Variants in KIF6 observed in about 807,000 individuals in gnomAD.
KIF6 encodes kinesin family member 6.
KIF6 carries 106 observed loss-of-function variants against 112.7 expected under a neutral mutation model. That is an observed-to-expected ratio of 0.94 (90% CI 0.80 to 1.11). The LOEUF is 1.11. Among genes scored for constraint, KIF6 ranks in the 50% least tolerant of loss-of-function variants. KIF6 has a pLI of 0.00. For missense variants in KIF6, 929 were observed against 964.0 expected (o/e 0.96, Z 0.48); for synonymous variants, 339 against 339.9 (o/e 1.00, Z 0.03).
chr6:39,604,258 C>T (rs894729267), intron 6 of KIF6, among the ~76,000 whole-genome samples: 1 of 152,150 alleles, frequency 6.6e-6, no homozygotes, highest in South Asian at 2.1e-4. Flanking sequence ...TGAAGAATTA[C>T]CGAATCTGTT....
intron 16 of KIF6, among the ~76,000 whole-genome samples, chr6:39,369,747 A>G (rs111329006): frequency 0.013 from 1,918 of 152,262 alleles, 55 homozygotes; most frequent in African/African-American, 0.044. Flanking sequence ...GCCATACACC[A>G]TACACAGGGA....
At chr6:39,509,128 T>G (rs1776618119) in intron 13 of KIF6, among the ~76,000 whole-genome samples, 1 of 152,040 alleles carries the variant, frequency 6.6e-6, no homozygotes, top group African/African-American at 2.4e-5. Flanking sequence ...CAACAGACCT[T>G]CAGCTGAGGG....
chr6:39,605,728 C>A (rs947093551), intron 6 of KIF6, among the ~76,000 whole-genome samples: 1 of 152,124 alleles, frequency 6.6e-6, no homozygotes, highest in Non-Finnish European at 1.5e-5. Flanking sequence ...AGAAAGAACT[C>A]TAGAAGCACA....
intron 13 of KIF6, among the ~76,000 whole-genome samples, chr6:39,457,252 A>G: frequency 6.6e-6 from 1 of 151,314 alleles, no homozygotes; most frequent in Non-Finnish European, 1.5e-5. Flanking sequence ...AAACTGAACA[A>G]CCTGCTCCTG....
chr6:39,568,982 T>G (rs185361558), intron 10 of KIF6, among the ~76,000 whole-genome samples: 2 of 152,118 alleles, frequency 1.3e-5, no homozygotes, highest in Non-Finnish European at 2.9e-5. Flanking sequence ...CTCTCCACTC[T>G]CTCTCTCTCC....
At chr6:39,520,016 C>T (rs1777299788) in intron 13 of KIF6, among the ~76,000 whole-genome samples, 1 of 152,094 alleles carries the variant, frequency 6.6e-6, no homozygotes, top group Non-Finnish European at 1.5e-5. Context: ...AGTGAAACTC[C>T]ATCTCGAACA....
chr6:39,371,285 G>A (rs1562143461), intron 16 of KIF6, among the ~76,000 whole-genome samples: 1 of 152,036 alleles, frequency 6.6e-6, no homozygotes, highest in Non-Finnish European at 1.5e-5. Context: ...GAAACCTGGA[G>A]GCGGGCAACC....
intron 16 of KIF6, among the ~76,000 whole-genome samples, chr6:39,365,815 T>A (rs1278001844): frequency 6.6e-6 from 1 of 152,200 alleles, no homozygotes; most frequent in Admixed American, 6.5e-5. Context: ...CGTGAGAGAC[T>A]GCTGGAGGCG....
chr6:39,684,848 A>G (rs1056242797), intron 3 of KIF6, among the ~76,000 whole-genome samples: 6 of 152,128 alleles, frequency 3.9e-5, no homozygotes, highest in Non-Finnish European at 8.8e-5. Context: ...AGGAGGAGGA[A>G]GAAATTTAGC....
chr6:39,346,595 G>C, intron 19 of KIF6, 69 bp from the exon 20 acceptor site: 2 of 628,430 alleles, frequency 3.2e-6, no homozygotes, highest in South Asian at 3.8e-5. Context: ...AGCCTGAGCA[G>C]ACTAAGACAA....
At position 39,360,385 on chromosome 6, in the gene KIF6, C is replaced by G; in HGVS notation, c.2082+10G>C. The G allele has an allele frequency of 6.2e-7, 1 of 1,614,050 alleles. No individual in the cohort carries two copies. Among genetic ancestry groups the G allele is most frequent in the Non-Finnish European group, 8.5e-7 (1 of 1,179,974 alleles). On this transcript the variant is annotated intron_variant, in intron 18 of 22. Transcript: ENST00000287152. ...CCTCCCCAGCTTCCCTGATGTTCCC[C>G]AGGCCATACCTGCAGGTTGGTGGCC...
intron 10 of KIF6, among the ~76,000 whole-genome samples, chr6:39,553,653 C>T (rs987478457): frequency 6.6e-6 from 1 of 152,116 alleles, no homozygotes; most frequent in Non-Finnish European, 1.5e-5. Flanking sequence ...AAAAGTTATA[C>T]GATTGATTTT....
At chr6:39,667,466 C>A (rs568809425) in intron 3 of KIF6, among the ~76,000 whole-genome samples, 26 of 152,128 alleles carry the variant, frequency 1.7e-4, no homozygotes, top group Non-Finnish European at 3.2e-4. Context: ...CAAATCACAC[C>A]CACCTAATCC....
At chr6:39,363,011 T>C (rs1449783028) in intron 16 of KIF6, among the ~76,000 whole-genome samples, 2 of 151,974 alleles carry the variant, frequency 1.3e-5, no homozygotes, top group African/African-American at 4.8e-5. Context: ...TAGCTGGGCG[T>C]GGTGGCGGGC....
At chr6:39,537,180 A>G (rs1034041679) in intron 13 of KIF6, among the ~76,000 whole-genome samples, 35 of 152,052 alleles carry the variant, frequency 2.3e-4, no homozygotes, top group South Asian at 4.2e-4. Flanking sequence ...CTCTCTCACC[A>G]CTCCTATTCA....
chr6:39,441,194 A>T (rs1439604619), intron 13 of KIF6, among the ~76,000 whole-genome samples: 1 of 152,202 alleles, frequency 6.6e-6, no homozygotes, highest in Non-Finnish European at 1.5e-5. Flanking sequence ...CAATCTCAGC[A>T]TCTTTCCTGG....
At chr6:39,608,978 G>A (rs1394427075) in intron 6 of KIF6, among the ~76,000 whole-genome samples, 1 of 152,172 alleles carries the variant, frequency 6.6e-6, no homozygotes, top group Admixed American at 6.5e-5. Flanking sequence ...CTGTCCAAAT[G>A]TTATTTAATT....
chr6:39,450,967 G>A lies in KIF6; in HGVS notation c.1646-19806C>T, dbSNP rs79588804. 2.7e-3 allele frequency among the ~76,000 whole-genome samples: 409 copies of A among 151,520 alleles called. 1 individual carries two copies. Among genetic ancestry groups the A allele is most frequent in the African/African-American group, 9.1e-3 (377 of 41,280 alleles). ...AACATTATCTCATAATCCTTTTTTC[G>A]TCAGTAGTGAAAGTCTTTAGGAATG... On this transcript the variant is annotated intron_variant, in intron 13 of 22. Coordinates refer to ENST00000287152, the MANE Select transcript of KIF6 (RefSeq NM_145027.6).
intron 13 of KIF6, among the ~76,000 whole-genome samples, chr6:39,470,528 C>T (rs1774058810): frequency 6.6e-6 from 1 of 152,102 alleles, no homozygotes; most frequent in Admixed American, 6.5e-5. Flanking sequence ...AAGAAGGATG[C>T]CTGTGAAACC....
Sources: allele counts gnomAD v4.1 joint callset (sites outside exome capture counted in the v4.1 genomes callset), GRCh38; gene constraint gnomAD v4.1.1; transcripts MANE v1.5; gene names NCBI Gene and HGNC (gene_info 2026-07-23, HGNC 2026-07-21).